The following GUCY2C variants were observed in gnomAD, a reference collection of about 807,000 sequenced individuals.
GUCY2C encodes guanylyl cyclase C.
A neutral mutation model predicts 131.1 loss-of-function variants in GUCY2C; 118 were observed. The observed-to-expected ratio is 0.90, with a 90% CI of 0.78 to 1.05. The LOEUF is 1.05. Among genes scored for constraint, GUCY2C ranks in the 50% least tolerant of loss-of-function variants. GUCY2C has a pLI of 0.00. For missense variants in GUCY2C, 1,161 were observed against 1,304.4 expected (o/e 0.89, Z 1.69); for synonymous variants, 452 against 457.8 (o/e 0.99, Z 0.16).
chr12:14,639,124 C>G (rs554860401), intron 19 of GUCY2C, among the ~76,000 whole-genome samples: 1 of 151,870 alleles, frequency 6.6e-6, no homozygotes, highest in Non-Finnish European at 1.5e-5. Flanking sequence ...ATGGTGAAAC[C>G]CCATCTCTAC....
At chr12:14,643,520 G>A in intron 17 of GUCY2C, 54 bp downstream of exon 17, 1 of 1,554,154 alleles carries the variant, frequency 6.4e-7, no homozygotes, top group Non-Finnish European at 8.9e-7. Context: ...ACGCTACATG[G>A]GTTTGAAAAA....
intron 12 of GUCY2C, among the ~76,000 whole-genome samples, chr12:14,655,715 T>C (rs1947750533): frequency 6.6e-6 from 1 of 152,110 alleles, no homozygotes; most frequent in Non-Finnish European, 1.5e-5. Context: ...ACTAGGATAA[T>C]TATATGGTGT....
intron 19 of GUCY2C, among the ~76,000 whole-genome samples, chr12:14,629,492 A>G (rs1320934250): frequency 6.6e-6 from 1 of 152,252 alleles, no homozygotes; most frequent in Non-Finnish European, 1.5e-5. Flanking sequence ...ATGAATGCAT[A>G]CTTACATGTA....
intron 1 of GUCY2C, among the ~76,000 whole-genome samples, chr12:14,693,479 A>T (rs1472513169): frequency 6.6e-6 from 1 of 152,214 alleles, no homozygotes; most frequent in Non-Finnish European, 1.5e-5. Context: ...CCTAAAAAAA[A>T]TATTGATCAT....
At chr12:14,658,317 A>AT (rs1195358458) in intron 11 of GUCY2C, among the ~76,000 whole-genome samples, 1 of 151,972 alleles carries the variant, frequency 6.6e-6, no homozygotes, top group Non-Finnish European at 1.5e-5. Flanking sequence ...ATATTTATGT[A>AT]TTTTTTCTTT....
intron 16 of GUCY2C, 124 bp downstream of exon 16, chr12:14,645,105 C>T (rs1197728855): frequency 3.3e-6 from 2 of 608,336 alleles, no homozygotes; most frequent in Non-Finnish European, 5.7e-6. Flanking sequence ...TCCTACAACC[C>T]TATGACATAG....
intron 10 of GUCY2C, among the ~76,000 whole-genome samples, chr12:14,666,506 A>G (rs1000394582): frequency 6.6e-6 from 1 of 152,190 alleles, no homozygotes. Flanking sequence ...AGGCCGAGGC[A>G]GGCGGATCAC....
rs1220634665 is a variant in GUCY2C at position 14,672,915 on chromosome 12, G to C, written c.1128C>G (p.Asp376Glu). Reference protein sequence around the residue: ...PVTLDDWGDVDSTMVLLYTSV... With the variant: ...PVTLDDWGDVESTMVLLYTSV... ...AGGTATACAGAAGCACCATGGTACT[G>C]TCAACATCCCCCCAGTCATCCAAGG... The change falls in exon 9 of 27, where the codon GAC becomes GAG. Residue 376 changes from aspartate to glutamate, a missense_variant. Coordinates refer to ENST00000261170, the MANE Select transcript of GUCY2C (RefSeq NM_004963.4). 2.5e-6 allele frequency: 4 copies of C among 1,609,320 alleles called. No individual in the cohort carries two copies. The highest frequency in any genetic ancestry group is 2.2e-5 in the South Asian group (2 of 90,952).
rs751481554 is a variant in GUCY2C at position 14,621,193 on chromosome 12, G to A, written c.2625C>T (p.Tyr875=). 3 of 1,613,324 alleles carry A rather than the reference G, an allele frequency of 1.9e-6. No individual in the cohort carries two copies. The highest frequency in any genetic ancestry group is 2.2e-5 in the East Asian group (1 of 44,898). ...VYKVETIGDA[Y]MVASGLPKRN... ...TCTTAGGCAAACCACTAGCCACCAT[G>A]TACGCATCACCGATGGTTTCCACCT... The change falls in exon 23 of 27, where the codon TAC becomes TAT. Residue 875 remains tyrosine, a synonymous_variant. Coordinates refer to ENST00000261170, the MANE Select transcript of GUCY2C (RefSeq NM_004963.4).
At chr12:14,674,165 T>C (rs1209618059) in intron 8 of GUCY2C, 4 of 191,830 alleles carry the variant, frequency 2.1e-5, no homozygotes, top group East Asian at 1.2e-4. Context: ...CATTGATCCA[T>C]GCAGCTCAGG....
rs1214525766 is a variant in GUCY2C, at chr12:14,613,247, G to A, written c.3092C>T (p.Ala1031Val). Reference sequence around the variant, plus strand: ...TGCCTGTCTTTTCTGTAAAGAGTTGGCAATCATGTCTGAAAATTCTGCTTG... The same window carrying A: ...TGCCTGTCTTTTCTGTAAAGAGTTGACAATCATGTCTGAAAATTCTGCTTG... ...RLQAEFSDMI[A>V]NSLQKRQAAG... is the part of the protein sequence containing the mutation. The change falls in exon 27 of 27, where the codon GCC becomes GTC. Residue 1031 changes from alanine (A) to valine (V), a missense_variant. By Grantham distance (64) the Ala-to-Val change is moderately conservative. Coordinates refer to ENST00000261170, the MANE Select transcript of GUCY2C (RefSeq NM_004963.4). The surrounding 1 kb of genome is among the most constrained non-coding windows in gnomAD (Gnocchi z 4.9). 2 of 1,613,352 alleles carry A rather than the reference G, an allele frequency of 1.2e-6. No individual in the cohort carries two copies. The highest frequency in any genetic ancestry group is 1.1e-5 in the South Asian group (1 of 91,076).
intron 19 of GUCY2C, among the ~76,000 whole-genome samples, chr12:14,639,177 A>C (rs891404733): frequency 4.6e-5 from 7 of 151,894 alleles, no homozygotes; most frequent in Non-Finnish European, 1.0e-4. Flanking sequence ...AGGCGCCTGT[A>C]GTCCCAGCTA....
chr12:14,620,068 TC>T (rs1946860529), intron 23 of GUCY2C, among the ~76,000 whole-genome samples: 1 of 152,178 alleles, frequency 6.6e-6, no homozygotes, highest in African/African-American at 2.4e-5. Flanking sequence ...ACTTCTGAGT[TC>T]CTCTCTTACA....
chr12:14,625,502 T>A (rs994182473), intron 21 of GUCY2C, among the ~76,000 whole-genome samples: 5 of 151,886 alleles, frequency 3.3e-5, no homozygotes, highest in African/African-American at 9.7e-5. Context: ...TAATTTTTTT[T>A]ATTATTATTT....
chr12:14,639,095 C>T (rs991818302), intron 19 of GUCY2C, among the ~76,000 whole-genome samples: 11 of 151,906 alleles, frequency 7.2e-5, no homozygotes, highest in Non-Finnish European at 1.5e-4. Flanking sequence ...GTCAGGAGAT[C>T]GAGACCAGCC....
chr12:14,614,122 G>T (rs1252172728), intron 26 of GUCY2C, among the ~76,000 whole-genome samples: 1 of 152,108 alleles, frequency 6.6e-6, no homozygotes, highest in Admixed American at 6.6e-5. Flanking sequence ...CTCCACTCTT[G>T]TCAGAACAAG....
At chr12:14,624,595 A>T (rs1215828272) in intron 21 of GUCY2C, among the ~76,000 whole-genome samples, 1 of 152,174 alleles carries the variant, frequency 6.6e-6, no homozygotes. Context: ...CCTTTGCTAC[A>T]CATATTTCTT....
Position 14,651,529 on chromosome 12 carries a change from T to C in GUCY2C, c.1606-18A>G, listed in dbSNP as rs1297648286. 7.2e-7 allele frequency: 1 copy of C among 1,385,878 alleles called. No homozygotes were observed. The allele number at this position is 1,385,878 out of a possible 1,614,324, so 85.8% of individuals were successfully genotyped here. A position where few individuals can be genotyped will look rare whatever the true frequency, so the allele number is the denominator to read the frequency against. On this transcript the variant is annotated intron_variant, in intron 14 of 26. Coordinates refer to ENST00000261170, the MANE Select transcript of GUCY2C (RefSeq NM_004963.4). ...TGAAGCAACTAGAAGAACGTGTTTGTTTACAAAGCAAATTAGGCAGAATGG... is the reference window on the plus strand; with the variant it reads ...TGAAGCAACTAGAAGAACGTGTTTGCTTACAAAGCAAATTAGGCAGAATGG...
chr12:14,628,886 T>C, intron 19 of GUCY2C, 149 bp from the exon 20 acceptor site: 1 of 610,356 alleles, frequency 1.6e-6, no homozygotes, highest in African/African-American at 1.8e-5. Context: ...CCCAGCTCTC[T>C]GGTTTCTGTC....
Sources: allele counts gnomAD v4.1 joint callset (sites outside exome capture counted in the v4.1 genomes callset), GRCh38; gene constraint gnomAD v4.1.1; non-coding constraint Gnocchi (gnomAD v3.1); transcripts MANE v1.5; gene names NCBI Gene and HGNC (gene_info 2026-07-23, HGNC 2026-07-21).